The following PTPN21 variants were observed in gnomAD, a reference collection of about 807,000 sequenced individuals.
The protein encoded by PTPN21 is tyrosine-protein phosphatase non-receptor type 21.
Under a neutral mutation model 131.8 loss-of-function variants are expected in PTPN21, and 77 were observed. That is an observed-to-expected ratio of 0.58 (90% CI 0.49 to 0.71). PTPN21 has a LOEUF of 0.71. Ranked by LOEUF, PTPN21 falls within the 30% of genes least tolerant of loss-of-function variation. The pLI is 0.00. For missense variants in PTPN21, 1,552 were observed against 1,527.1 expected, an observed-to-expected ratio of 1.02 and a Z score of -0.27; for synonymous variants, 715 against 621.3, an observed-to-expected ratio of 1.15 and a Z score of -2.24.
At chr14:88,535,819 A>T (rs1272277468) in intron 2 of PTPN21, among the ~76,000 whole-genome samples, 1 of 152,216 alleles carries the variant, frequency 6.6e-6, no homozygotes, top group African/African-American at 2.4e-5. Flanking sequence ...AATTTTAACT[A>T]CTGCCTTGGT....
chr14:88,467,973 T>G lies in PTPN21; in HGVS notation c.*164A>C. The G allele has an allele frequency of 1.1e-6, 1 of 924,404 alleles. No homozygotes were observed. The highest frequency in any genetic ancestry group is 1.7e-6 in the Non-Finnish European group (1 of 590,094). The allele number at this position is 924,404 out of a possible 1,614,324, so 57.3% of individuals were successfully genotyped here. On this transcript the variant is annotated 3_prime_UTR_variant, in exon 19 of 19. Transcript: ENST00000556564. The stretch of plus-strand genomic sequence containing the variant: ...TTAGAAACCCCTCTTCAGCCTGTGC[T>G]TCGCACGTTTCCTTCAGCGTGCCGC...
chr14:88,492,890 C>T (rs1224280154), intron 10 of PTPN21: 2 of 338,136 alleles, frequency 5.9e-6, no homozygotes, highest in Admixed American at 4.4e-5. Flanking sequence ...ACAGGGGACA[C>T]GAAGATGAGG....
chr14:88,471,493 A>C (rs562562371), intron 15 of PTPN21, among the ~76,000 whole-genome samples: 1 of 152,330 alleles, frequency 6.6e-6, no homozygotes, highest in South Asian at 2.1e-4. Context: ...GGAAGACTGG[A>C]TATCCATAAG....
chr14:88,548,497 T>C (rs1004496921), intron 2 of PTPN21, among the ~76,000 whole-genome samples: 1 of 152,176 alleles, frequency 6.6e-6, no homozygotes, highest in Admixed American at 6.5e-5. Context: ...GCCTTCCCTT[T>C]GCTGCACCTC....
chr14:88,550,326 T>C lies in PTPN21; in HGVS notation c.92A>G (p.Asn31Ser), dbSNP rs758949363. 1.2e-6 allele frequency: 2 copies of C among 1,614,230 alleles called. No homozygotes were observed. Among genetic ancestry groups the C allele is most frequent in the South Asian group, 1.1e-5 (1 of 91,088 alleles). ...CAGGGTGAACTCCACAAACTCGTTA[T>C]TAAGCAGTTGGATCCGGGCAACCAG... is the stretch of plus-strand genomic sequence containing the variant. ...SCLVARIQLL[N>S]NEFVEFTLSV... Residue 31 changes from asparagine to serine, a missense_variant, in exon 2 of 19, where the codon AAT (asparagine) becomes AGT (serine). By Grantham distance (46) the Asn-to-Ser change is conservative. This residue lies in a region of PTPN21 where 206 missense variants were observed against 221.6 expected (regional missense o/e 0.93). Transcript: ENST00000556564.
intron 8 of PTPN21, among the ~76,000 whole-genome samples, chr14:88,500,245 A>C (rs1484425652): frequency 6.6e-6 from 1 of 152,190 alleles, no homozygotes; most frequent in Non-Finnish European, 1.5e-5. Flanking sequence ...TAGCCTGGGC[A>C]ACATGGTGAA....
intron 12 of PTPN21, 50 bp from the exon 13 acceptor site, chr14:88,480,402 C>G (rs779074472): frequency 5.8e-6 from 8 of 1,384,960 alleles, no homozygotes; most frequent in Non-Finnish European, 8.0e-6. Flanking sequence ...ACTAATTACT[C>G]CAACCAAATA....
At chr14:88,500,950 TC>T in intron 7 of PTPN21, 79 bp from the exon 8 acceptor site, 2 of 1,031,154 alleles carry the variant, frequency 1.9e-6, no homozygotes, top group Non-Finnish European at 3.0e-6. Context: ...TGGACTGGTT[TC>T]CCAGATGTAG....
chr14:88,551,073 AC>A (rs1210784114), intron 1 of PTPN21, among the ~76,000 whole-genome samples: 1 of 152,204 alleles, frequency 6.6e-6, no homozygotes, highest in Non-Finnish European at 1.5e-5. Context: ...TAGAAAATTA[AC>A]CCTGAAGGCA....
chr14:88,469,666 T>A lies in PTPN21; in HGVS notation c.3068A>T (p.Tyr1023Phe), dbSNP rs1005045488. 1 of 1,614,168 alleles carries A rather than the reference T, an allele frequency of 6.2e-7. No individual in the cohort carries two copies. Among genetic ancestry groups the A allele is most frequent in the South Asian group, 1.1e-5 (1 of 91,082 alleles). ...RLGSRHNTVT[Y>F]GRFKITTRFR... Reference sequence around the variant, plus strand: ...CCGGGTCGTGATCTTAAACCTTCCATAGGTGACAGTGTTGTGCCTGGAACC... The same window carrying A: ...CCGGGTCGTGATCTTAAACCTTCCAAAGGTGACAGTGTTGTGCCTGGAACC... Residue 1023 changes from tyrosine (Y) to phenylalanine (F), a missense_variant, in exon 17 of 19, where the codon TAT becomes TTT. Tyr to Phe is a conservative substitution (Grantham distance 22). Around this residue, in one of 4 missense-constraint regions of PTPN21, gnomAD observed 316 missense variants for 378.5 expected, o/e 0.83. Coordinates refer to ENST00000556564, the MANE Select transcript of PTPN21 (RefSeq NM_007039.4). The surrounding 1 kb of genome is among the most constrained non-coding windows in gnomAD (Gnocchi z 4.3).
At chr14:88,534,089 T>C (rs569563079) in intron 2 of PTPN21, among the ~76,000 whole-genome samples, 1 of 152,138 alleles carries the variant, frequency 6.6e-6, no homozygotes, top group South Asian at 2.1e-4. Context: ...GTTTAAAAAG[T>C]GGCCGGGCAC....
At chr14:88,520,283 A>T (rs2078369166) in intron 2 of PTPN21, among the ~76,000 whole-genome samples, 1 of 152,082 alleles carries the variant, frequency 6.6e-6, no homozygotes, top group Non-Finnish European at 1.5e-5. Flanking sequence ...CAGATGTGGT[A>T]GCGTGTGCCT....
At chr14:88,518,255 A>AAAAAAAAATATATAT (rs1566839513) in intron 2 of PTPN21, among the ~76,000 whole-genome samples, 1 of 18,666 alleles carries the variant, frequency 5.4e-5, no homozygotes, top group African/African-American at 2.2e-4. Context: ...AAAAAAAAAA[A>AAAAAAAAATATATAT]ATATATATAT....
intron 8 of PTPN21, among the ~76,000 whole-genome samples, chr14:88,497,843 C>T (rs1040197110): frequency 1.3e-5 from 2 of 150,972 alleles, no homozygotes; most frequent in Non-Finnish European, 3.0e-5. Flanking sequence ...CTCACGCCTG[C>T]AATCCGAGCA....
At chr14:88,546,537 T>C (rs1309123240) in intron 2 of PTPN21, among the ~76,000 whole-genome samples, 1 of 147,760 alleles carries the variant, frequency 6.8e-6, no homozygotes, top group Non-Finnish European at 1.5e-5. Context: ...GATCGCGCCA[T>C]TGTACTCCAG....
intron 2 of PTPN21, among the ~76,000 whole-genome samples, chr14:88,545,969 G>A (rs1272262308): frequency 6.7e-6 from 1 of 149,362 alleles, no homozygotes; most frequent in East Asian, 2.0e-4. Context: ...TCCAGCCTGG[G>A]CGATAGAGCG....
chr14:88,522,438 A>G (rs1475905444), intron 2 of PTPN21, among the ~76,000 whole-genome samples: 4 of 150,778 alleles, frequency 2.7e-5, no homozygotes, highest in Non-Finnish European at 4.4e-5. Context: ...AAAAAAAAAA[A>G]AAAAAGAAAA....
intron 12 of PTPN21, among the ~76,000 whole-genome samples, chr14:88,481,037 G>C (rs1566815629): frequency 6.6e-6 from 1 of 152,132 alleles, no homozygotes; most frequent in Non-Finnish European, 1.5e-5. Context: ...ATGTGTCCCT[G>C]CCCAGGGATG....
intron 2 of PTPN21, among the ~76,000 whole-genome samples, chr14:88,528,713 G>A (rs542333219): frequency 1.3e-5 from 2 of 152,204 alleles, no homozygotes; most frequent in African/African-American, 4.8e-5. Context: ...CATGTGAGAC[G>A]TGCCTTTCAT....
Sources: allele counts gnomAD v4.1 joint callset (sites outside exome capture counted in the v4.1 genomes callset), GRCh38; gene constraint gnomAD v4.1.1; regional missense constraint gnomAD v4.1.1; non-coding constraint Gnocchi (gnomAD v3.1); transcripts MANE v1.5; gene names NCBI Gene and HGNC (gene_info 2026-07-23, HGNC 2026-07-21).